The following WWOX variants were observed in gnomAD, a reference collection of about 807,000 sequenced individuals.
WWOX encodes WW domain-containing oxidoreductase.
A neutral mutation model predicts 46.2 loss-of-function variants in WWOX; 69 were observed. The observed-to-expected ratio is 1.49, with a 90% CI of 1.23 to 1.82. The LOEUF (loss-of-function observed/expected upper bound fraction) is 1.82. WWOX is among the 40% of genes most tolerant of loss of function. WWOX has a pLI of 0.00. For synonymous variants in WWOX, 359 were observed against 202.6 expected, an observed-to-expected ratio of 1.77 and a Z score of -6.56; for missense variants, 919 against 542.6, an observed-to-expected ratio of 1.69 and a Z score of -6.89.
chr16:78,426,459 C>T (rs376538493), intron 7 of WWOX, among the ~76,000 whole-genome samples: 35 of 152,234 alleles, frequency 2.3e-4, no homozygotes, highest in African/African-American at 7.5e-4. Context: ...TGCTTAACTA[C>T]GGTGTAATTC....
chr16:78,996,369 T>TGCGGGGGGGGGGG, intron 8 of WWOX: 1 of 879,320 alleles, frequency 1.1e-6, no homozygotes, highest in Non-Finnish European at 1.3e-6. Context: ...GAGTGAATTC[T>TGCGGGGGGGGGGG]GCACCCACCC....
intron 5 of WWOX, among the ~76,000 whole-genome samples, chr16:78,185,224 A>G (rs183723974): frequency 2.2e-4 from 34 of 152,250 alleles, no homozygotes; most frequent in Non-Finnish European, 3.8e-4. Context: ...ATAGCCAAAG[A>G]TTTCTTTCCA....
rs192676584 is a variant in WWOX, at chr16:78,331,450, G to A, written c.517-55410G>A. Among the ~76,000 whole-genome samples the A allele has an allele frequency of 8.5e-4, 130 of 152,272 alleles. 1 individual carries two copies. Among genetic ancestry groups the A allele is most frequent in the Non-Finnish European group, 1.8e-4 (12 of 68,012 alleles). On this transcript the variant is annotated intron_variant, in intron 5 of 8. Transcript: ENST00000566780. ...CTTCATGACAGTGTCTTATTTTCCA[G>A]TTTATATGTAGGTGAGATTCTTTGG... is the stretch of plus-strand genomic sequence containing the variant.
At chr16:78,435,225 G>C (rs866132206) in intron 8 of WWOX, among the ~76,000 whole-genome samples, 1 of 152,132 alleles carries the variant, frequency 6.6e-6, no homozygotes, top group Non-Finnish European at 1.5e-5. Flanking sequence ...TGAATTGGAC[G>C]AAGGTTGCAA....
At chr16:78,373,380 A>G (rs1269669912) in intron 5 of WWOX, among the ~76,000 whole-genome samples, 1 of 152,180 alleles carries the variant, frequency 6.6e-6, no homozygotes, top group Non-Finnish European at 1.5e-5. Flanking sequence ...ACTTATTATA[A>G]CTTAACGTTT....
At chr16:78,841,839 A>G (rs1488452963) in intron 8 of WWOX, among the ~76,000 whole-genome samples, 1 of 152,208 alleles carries the variant, frequency 6.6e-6, no homozygotes, top group Non-Finnish European at 1.5e-5. Flanking sequence ...TATGTTATTC[A>G]TGAATTTTAT....
intron 8 of WWOX, among the ~76,000 whole-genome samples, chr16:78,625,613 C>A (rs1418002140): frequency 6.6e-6 from 1 of 151,704 alleles, no homozygotes; most frequent in Non-Finnish European, 1.5e-5. Context: ...ATTATTGATA[C>A]TGAAATATTA....
At chr16:78,521,471 A>G (rs992765932) in intron 8 of WWOX, among the ~76,000 whole-genome samples, 2 of 152,188 alleles carry the variant, frequency 1.3e-5, no homozygotes, top group South Asian at 4.1e-4. Flanking sequence ...GCTCAAGTTC[A>G]TATTCCAACG....
At chr16:78,184,850 A>C (rs1273625538) in intron 5 of WWOX, among the ~76,000 whole-genome samples, 1 of 152,212 alleles carries the variant, frequency 6.6e-6, no homozygotes, top group Non-Finnish European at 1.5e-5. Flanking sequence ...ATGTGTTGGG[A>C]CAGTCTAAGT....
intron 8 of WWOX, among the ~76,000 whole-genome samples, chr16:78,509,818 G>T (rs2085313420): frequency 6.6e-6 from 1 of 151,794 alleles, no homozygotes; most frequent in African/African-American, 2.4e-5. Flanking sequence ...AATTGAGGAA[G>T]CCGTGTGGCT....
At chr16:79,127,718 A>C (rs138539973) in intron 8 of WWOX, among the ~76,000 whole-genome samples, 3 of 152,140 alleles carry the variant, frequency 2.0e-5, no homozygotes, top group Non-Finnish European at 4.4e-5. Context: ...GTTCTGATTT[A>C]CATTCCCACT....
chr16:78,483,400 T>A (rs2084545605), intron 8 of WWOX, among the ~76,000 whole-genome samples: 1 of 151,240 alleles, frequency 6.6e-6, no homozygotes, highest in South Asian at 2.1e-4. Context: ...AATACTTTTC[T>A]TTTTGCCGGC....
chr16:79,003,346 G>A (rs555880010), intron 8 of WWOX, among the ~76,000 whole-genome samples: 1 of 152,288 alleles, frequency 6.6e-6, no homozygotes, highest in Non-Finnish European at 1.5e-5. Context: ...CTGAGATCCT[G>A]CTGTATACCG....
intron 8 of WWOX, among the ~76,000 whole-genome samples, chr16:79,144,198 C>T (rs192715822): frequency 3.3e-5 from 5 of 152,328 alleles, no homozygotes; most frequent in African/African-American, 9.6e-5. Flanking sequence ...CTGCACACAG[C>T]CAAGGTCAGC....
intron 8 of WWOX, among the ~76,000 whole-genome samples, chr16:78,717,645 G>A (rs990918112): frequency 1.3e-5 from 2 of 152,184 alleles, no homozygotes; most frequent in Admixed American, 6.5e-5. Context: ...GGAGGAGACA[G>A]AATGGAATGA....
intron 8 of WWOX, among the ~76,000 whole-genome samples, chr16:78,681,833 A>G (rs1003249895): frequency 1.3e-5 from 2 of 152,128 alleles, no homozygotes; most frequent in Admixed American, 1.3e-4. Flanking sequence ...CTTTTCTTCA[A>G]CTTTGGTGTG....
rs973855411 is a variant in WWOX at position 78,373,328 on chromosome 16, A to G, written c.517-13532A>G. Among the ~76,000 whole-genome samples, 6 of 152,198 alleles carry G rather than the reference A, an allele frequency of 3.9e-5. No homozygotes were observed. In the South Asian group the frequency reaches 1.0e-3, roughly 26 times the overall value. On this transcript the variant is annotated intron_variant, in intron 5 of 8. Transcript: ENST00000566780. ...GCTTTGTCTATTTGGTGAGTAGGAT[A>G]TCCAAGCTCATTTCATTTAGTGGCT...
chr16:79,086,717 CA>C lies in WWOX; in HGVS notation c.1057-124885del, dbSNP rs578176838. Among the ~76,000 whole-genome samples the C allele has an allele frequency of 4.1e-4, 63 of 152,068 alleles. No homozygotes were observed. The South Asian group carries it at 0.013, about 31-fold the overall frequency. On this transcript the variant is annotated intron_variant, in intron 8 of 8. Transcript: ENST00000566780. ...GCAACATAGGGAGACTCTGTCTCTA[CA>C]AAAAATAAAAAGAAATTAGCCAGGC...
chr16:78,150,089 G>T (rs1597271298), intron 4 of WWOX, among the ~76,000 whole-genome samples: 1 of 152,314 alleles, frequency 6.6e-6, no homozygotes, highest in East Asian at 1.9e-4. Flanking sequence ...GCAAGTTCAA[G>T]ATTGTCAAGT....
Sources: gnomAD v4.1 joint callset for allele counts (sites outside exome capture counted in the v4.1 genomes callset) on GRCh38, gnomAD v4.1.1 for gene constraint, MANE v1.5 for transcripts, NCBI Gene and HGNC (gene_info 2026-07-23, HGNC 2026-07-21) for gene names.